Variants in CPXM2 observed in about 807,000 individuals in gnomAD.
CPXM2 encodes the protein carboxypeptidase X, M14 family member 2.
Under a neutral mutation model 86.1 loss-of-function variants are expected in CPXM2, and 66 were observed. The ratio of observed to expected loss-of-function variants is 0.77; its 90% CI spans 0.63 to 0.94. The LOEUF (loss-of-function observed/expected upper bound fraction) is 0.94, where lower values mean the gene tolerates loss of function less well. CPXM2 is among the 40% of genes least tolerant of loss of function. The probability of loss-of-function intolerance (pLI) is 0.00; values close to 1 mark genes in which losing one functional copy is unlikely to be tolerated. For missense variants in CPXM2, 948 were observed against 1,026.3 expected, an observed-to-expected ratio of 0.92 and a Z score of 1.04; for synonymous variants, 388 against 400.2, an observed-to-expected ratio of 0.97 and a Z score of 0.36.
intron 7 of CPXM2, among the ~76,000 whole-genome samples, chr10:123,774,373 G>A (rs965290436): frequency 1.3e-5 from 2 of 152,218 alleles, no homozygotes; most frequent in African/African-American, 4.8e-5. Flanking sequence ...AAATGTCCTT[G>A]TAAAGTGTAG....
chr10:123,774,773 C>A (rs1414593436), intron 7 of CPXM2, among the ~76,000 whole-genome samples: 1 of 152,166 alleles, frequency 6.6e-6, no homozygotes, highest in Non-Finnish European at 1.5e-5. Flanking sequence ...AATGCTACAA[C>A]AGAAACCCAT....
intron 3 of CPXM2, among the ~76,000 whole-genome samples, chr10:123,852,708 C>T (rs1020896429): frequency 6.6e-6 from 1 of 152,166 alleles, no homozygotes; most frequent in African/African-American, 2.4e-5. Flanking sequence ...CTCCTGCTGC[C>T]CCTTGGCTAT....
chr10:123,762,260 C>A lies in CPXM2; in HGVS notation c.1480-91G>T, dbSNP rs1022739416. The A allele has an allele frequency of 1.1e-5, 17 of 1,550,332 alleles. No individual in the cohort carries two copies. The African/African-American group carries it at 2.3e-4, about 21-fold the overall frequency. On this transcript the variant is annotated intron_variant, in intron 10 of 13. Coordinates refer to ENST00000241305, the MANE Select transcript of CPXM2 (RefSeq NM_198148.3). Reference sequence around the variant, plus strand: ...CAGGGACATAGTCGAAAAAGCAGTGCTTTTGTGGAATAATCTTAGTAAAGT... The same window carrying A: ...CAGGGACATAGTCGAAAAAGCAGTGATTTTGTGGAATAATCTTAGTAAAGT...
chr10:123,860,318 C>A (rs1848823889), intron 3 of CPXM2, among the ~76,000 whole-genome samples: 2 of 152,292 alleles, frequency 1.3e-5, no homozygotes, highest in East Asian at 1.9e-4. Context: ...TCTGATGAGG[C>A]AACTGAGCCT....
chr10:123,836,630 A>G (rs556746178), intron 4 of CPXM2, among the ~76,000 whole-genome samples: 1 of 152,294 alleles, frequency 6.6e-6, no homozygotes, highest in Non-Finnish European at 1.5e-5. Context: ...TGCAGATCTT[A>G]CACTCTCTGA....
chr10:123,873,430 A>C (rs886169814), intron 2 of CPXM2, among the ~76,000 whole-genome samples: 1 of 152,348 alleles, frequency 6.6e-6, no homozygotes, highest in African/African-American at 2.4e-5. Flanking sequence ...AAATGTGTTC[A>C]TTCTCCCAAA....
rs201467911 is a variant in CPXM2 at position 123,786,396 on chromosome 10, C to G, written c.890-6141G>C. On this transcript the variant is annotated intron_variant, in intron 6 of 13. Coordinates refer to ENST00000241305, the MANE Select transcript of CPXM2 (RefSeq NM_198148.3). ...GAGAGAGAGAATGAGAGACAGAGGC[C>G]CTGCTTCCAGCTGCCTTCCCTGAAA... Among the ~76,000 whole-genome samples, 6 of 152,254 alleles carry G rather than the reference C, an allele frequency of 3.9e-5. No individual in the cohort carries two copies. The East Asian group carries it at 1.2e-3, about 29-fold the overall frequency.
intron 4 of CPXM2, among the ~76,000 whole-genome samples, chr10:123,812,755 G>A (rs1847720944): frequency 1.3e-5 from 2 of 152,264 alleles, no homozygotes; most frequent in African/African-American, 4.8e-5. Context: ...GATCTAGGTT[G>A]CATGCTCCTT....
At chr10:123,925,972 T>C (rs1945619098) in intron 2 of CPXM2, among the ~76,000 whole-genome samples, 1 of 152,168 alleles carries the variant, frequency 6.6e-6, no homozygotes, top group Non-Finnish European at 1.5e-5. Flanking sequence ...CTCAGTAACA[T>C]ATGTAAGCAT....
intron 2 of CPXM2, among the ~76,000 whole-genome samples, chr10:123,871,020 A>G (rs1944887452): frequency 6.6e-6 from 1 of 152,186 alleles, no homozygotes; most frequent in Non-Finnish European, 1.5e-5. Context: ...CTCTCAAAGA[A>G]TCGGGTTCCA....
At chr10:123,790,507 T>G (rs1029066094) in intron 6 of CPXM2, among the ~76,000 whole-genome samples, 3 of 152,152 alleles carry the variant, frequency 2.0e-5, no homozygotes, top group African/African-American at 4.8e-5. Flanking sequence ...AACTTTAAAA[T>G]GGAGAACAAG....
intron 7 of CPXM2, among the ~76,000 whole-genome samples, chr10:123,771,946 A>G (rs1846644094): frequency 6.8e-6 from 1 of 148,056 alleles, no homozygotes; most frequent in South Asian, 2.2e-4. Context: ...GAGTCAATTA[A>G]AACTCTTTTC....
At chr10:123,801,173 A>C (rs1847449865) in intron 4 of CPXM2, among the ~76,000 whole-genome samples, 1 of 152,114 alleles carries the variant, frequency 6.6e-6, no homozygotes, top group Non-Finnish European at 1.5e-5. Flanking sequence ...ACCCAGTGGG[A>C]GGTAATTAAA....
At chr10:123,771,149 G>A (rs1035241073) in intron 7 of CPXM2, 110 bp from the exon 8 acceptor site, 39 of 977,430 alleles carry the variant, frequency 4.0e-5, no homozygotes, top group Non-Finnish European at 5.2e-5. Flanking sequence ...CCTCCCAAGC[G>A]CCCCCACATT....
rs540640771 is a variant in CPXM2 at position 123,806,097 on chromosome 10, G to A, written c.654-6898C>T. 2.6e-5 allele frequency among the ~76,000 whole-genome samples: 4 copies of A among 151,964 alleles called. No individual in the cohort carries two copies. In the South Asian group the frequency reaches 6.2e-4, roughly 24 times the overall value. On this transcript the variant is annotated intron_variant, in intron 4 of 13. Transcript: ENST00000241305. ...TGCTTCATTAATTTTGCATTTCCAC[G>A]TTTCCATCTGAGATCATTTTCTTTC...
At chr10:123,842,730 T>C (rs754745680) in intron 3 of CPXM2, among the ~76,000 whole-genome samples, 1 of 152,174 alleles carries the variant, frequency 6.6e-6, no homozygotes, top group African/African-American at 2.4e-5. Context: ...GTGTGAAAGA[T>C]GAAATTTAAT....
chr10:123,768,718 C>G lies in CPXM2; in HGVS notation c.1107G>C (p.Glu369Asp). 6.2e-7 allele frequency: 1 copy of G among 1,607,276 alleles called. No homozygotes were observed. The highest frequency in any genetic ancestry group is 8.5e-7 in the Non-Finnish European group (1 of 1,179,690). ...CCCCCGCGATGTAGTGGAACTCGGG[C>G]TCACCTTTACTCAAAGACAGAGAGA... The part of the protein sequence containing the change: ...SDHPGEHEVG[E>D]PEFHYIAGAH... The change falls in exon 9 of 14, where the codon GAG (glutamate) becomes GAC (aspartate). Residue 369 changes from glutamate (E) to aspartate (D), a missense_variant. By Grantham distance (45) the Glu-to-Asp change is conservative. Coordinates refer to ENST00000241305, the MANE Select transcript of CPXM2 (RefSeq NM_198148.3).
At chr10:123,765,430 C>G (rs1846447026) in intron 10 of CPXM2, among the ~76,000 whole-genome samples, 2 of 152,190 alleles carry the variant, frequency 1.3e-5, no homozygotes, top group South Asian at 4.1e-4. Context: ...TACAGTTGTG[C>G]TAAAAGGATT....
At chr10:123,812,072 T>C (rs1322229511) in intron 4 of CPXM2, among the ~76,000 whole-genome samples, 2 of 152,208 alleles carry the variant, frequency 1.3e-5, no homozygotes, top group African/African-American at 4.8e-5. Context: ...TATGTATATA[T>C]CATGGGGACT....
Sources: allele counts gnomAD v4.1 joint callset (sites outside exome capture counted in the v4.1 genomes callset), GRCh38; gene constraint gnomAD v4.1.1; transcripts MANE v1.5; gene names NCBI Gene and HGNC (gene_info 2026-07-23, HGNC 2026-07-21).